Variants in KSR2 observed in about 807,000 individuals in gnomAD.
The protein encoded by KSR2 is kinase suppressor of ras 2.
KSR2 carries 25 observed loss-of-function variants against 107.8 expected under a neutral mutation model. The ratio of observed to expected loss-of-function variants is 0.23; its 90% CI spans 0.17 to 0.32. The LOEUF (loss-of-function observed/expected upper bound fraction) is 0.32, where lower values mean the gene tolerates loss of function less well. Ranked by LOEUF, KSR2 falls within the 10% of genes least tolerant of loss-of-function variation. The pLI is 1.00. For missense variants in KSR2, 887 were observed against 1,268.9 expected (o/e 0.70, Z 4.57); for synonymous variants, 480 against 507.0 (o/e 0.95, Z 0.71).
At chr12:117,567,875 G>T (rs1223692442) in intron 7 of KSR2, among the ~76,000 whole-genome samples, 10 of 151,052 alleles carry the variant, frequency 6.6e-5, no homozygotes, top group Non-Finnish European at 1.5e-4. Flanking sequence ...GAGCATTCTG[G>T]TCTCATGTGA....
intron 3 of KSR2, among the ~76,000 whole-genome samples, chr12:117,775,035 AT>A (rs977772393): frequency 1.3e-5 from 2 of 152,146 alleles, no homozygotes; most frequent in African/African-American, 4.8e-5. Flanking sequence ...TATACACCAC[AT>A]TTTGTTTAAG....
At chr12:117,789,880 G>A (rs563546786) in intron 3 of KSR2, among the ~76,000 whole-genome samples, 2 of 152,208 alleles carry the variant, frequency 1.3e-5, no homozygotes, top group Non-Finnish European at 2.9e-5. Context: ...CATAAAGCCT[G>A]CAAAGTATTG....
At chr12:117,953,425 TAAAAAA>T (rs1896421775) in intron 1 of KSR2, among the ~76,000 whole-genome samples, 1 of 152,222 alleles carries the variant, frequency 6.6e-6, no homozygotes, top group South Asian at 2.1e-4. Flanking sequence ...GAATATAACC[TAAAAAA>T]TGTTCAACTT....
chr12:117,570,103 C>T lies in KSR2; in HGVS notation c.1325+9016G>A, dbSNP rs546000753. ...CTGCAAGCTCCGCCTCCCAGGTTCA[C>T]GCCATTCTCCTGCCTCAGCCTCCCC... On this transcript the variant is annotated intron_variant, in intron 7 of 19. Transcript: ENST00000339824. Among the ~76,000 whole-genome samples the T allele has an allele frequency of 1.8e-4, 28 of 151,930 alleles. No individual in the cohort carries two copies. In the East Asian group the frequency reaches 2.9e-3, roughly 16 times the overall value.
intron 18 of KSR2, 59 bp downstream of exon 18, chr12:117,471,132 C>T: frequency 6.3e-7 from 1 of 1,595,752 alleles, no homozygotes; most frequent in Non-Finnish European, 8.6e-7. Flanking sequence ...AAAAGAAGGC[C>T]CATGACTGTG....
chr12:117,739,558 AATG>A (rs1306705067), intron 4 of KSR2, among the ~76,000 whole-genome samples: 5 of 152,170 alleles, frequency 3.3e-5, no homozygotes, highest in African/African-American at 1.2e-4. Context: ...GGCCCTCGAT[AATG>A]ATGTTATTAA....
chr12:117,841,297 C>T (rs1168057988), intron 3 of KSR2, among the ~76,000 whole-genome samples: 2 of 152,124 alleles, frequency 1.3e-5, no homozygotes, highest in Non-Finnish European at 2.9e-5. Context: ...CTGCATGTTC[C>T]CTGCAAGTTT....
At chr12:117,478,173 A>G (rs1299520302) in intron 16 of KSR2, among the ~76,000 whole-genome samples, 1 of 152,212 alleles carries the variant, frequency 6.6e-6, no homozygotes, top group Non-Finnish European at 1.5e-5. Context: ...ACCTGGGGCT[A>G]GCTAGATTCT....
intron 4 of KSR2, among the ~76,000 whole-genome samples, chr12:117,678,020 C>T (rs12227688): frequency 0.11 from 16,900 of 151,912 alleles, 1,027 homozygotes; most frequent in East Asian, 0.26. Flanking sequence ...CTACAACCTC[C>T]GCCTCATGGG....
intron 9 of KSR2, among the ~76,000 whole-genome samples, chr12:117,549,918 A>G (rs1286083141): frequency 6.6e-6 from 1 of 152,156 alleles, no homozygotes; most frequent in African/African-American, 2.4e-5. Context: ...TACGTATGGT[A>G]CTCACTTATC....
chr12:117,761,775 TATATCATATGCACATC>T lies in KSR2; in HGVS notation c.473-267_473-252del, dbSNP rs576040353. 2.1e-3 allele frequency among the ~76,000 whole-genome samples: 313 copies of T among 152,320 alleles called. 2 individuals are homozygous for T. Among genetic ancestry groups the T allele is most frequent in the African/African-American group, 7.1e-3 (296 of 41,550 alleles). Reference sequence around the variant, plus strand: ...TATACCTGTTACATCGTATGCATGTTATATCATATGCACATCATATCATATGCATGTTACACTATAT... The same window carrying T: ...TATACCTGTTACATCGTATGCATGTTATATCATATGCATGTTACACTATAT... On this transcript the variant is annotated intron_variant, in intron 3 of 19. Coordinates refer to ENST00000339824, the MANE Select transcript of KSR2 (RefSeq NM_173598.6).
At chr12:117,607,129 G>A (rs1881319905) in intron 5 of KSR2, among the ~76,000 whole-genome samples, 1 of 152,158 alleles carries the variant, frequency 6.6e-6, no homozygotes, top group African/African-American at 2.4e-5. Flanking sequence ...CAAGGGCAAG[G>A]GACGTGTCTG....
chr12:117,955,540 C>T (rs1347490979), intron 1 of KSR2, among the ~76,000 whole-genome samples: 2 of 152,088 alleles, frequency 1.3e-5, no homozygotes, highest in African/African-American at 2.4e-5. Flanking sequence ...GAGCTCAAGC[C>T]CTCCTAACTA....
chr12:117,525,744 C>T (rs1458479634), intron 13 of KSR2, among the ~76,000 whole-genome samples: 1 of 152,218 alleles, frequency 6.6e-6, no homozygotes, highest in Non-Finnish European at 1.5e-5. Flanking sequence ...GCATGTAACA[C>T]ATGACAACTG....
intron 3 of KSR2, among the ~76,000 whole-genome samples, chr12:117,809,908 A>G (rs1891137638): frequency 6.6e-6 from 1 of 152,208 alleles, no homozygotes; most frequent in African/African-American, 2.4e-5. Context: ...ATTTGACCCC[A>G]ATTTACTTAG....
chr12:117,944,453 T>C (rs909269399), intron 1 of KSR2, among the ~76,000 whole-genome samples: 2 of 152,114 alleles, frequency 1.3e-5, no homozygotes, highest in East Asian at 3.9e-4. Flanking sequence ...CAGCCACATA[T>C]TGCATGATTT....
chr12:117,709,305 A>C (rs1236582360), intron 4 of KSR2, among the ~76,000 whole-genome samples: 1 of 152,038 alleles, frequency 6.6e-6, no homozygotes, highest in Non-Finnish European at 1.5e-5. Context: ...AGGGAACATG[A>C]CCTGCACCCA....
chr12:117,711,172 G>A lies in KSR2; in HGVS notation c.987-43514C>T, dbSNP rs117953721. 3.7e-3 allele frequency among the ~76,000 whole-genome samples: 557 copies of A among 152,286 alleles called. 3 individuals carry two copies. The highest frequency in any genetic ancestry group is 6.8e-3 in the Middle Eastern group (2 of 294). The stretch of plus-strand genomic sequence containing the variant: ...GCAGCCTCCAGACCCCAAATTTCAA[G>A]AGGGCAAAGACATGAGATAGATAAA... On this transcript the variant is annotated intron_variant, in intron 4 of 19. Transcript: ENST00000339824.
intron 1 of KSR2, among the ~76,000 whole-genome samples, chr12:117,960,797 C>CTTTT (rs57298583): frequency 1.4e-5 from 2 of 138,762 alleles, no homozygotes; most frequent in Non-Finnish European, 3.1e-5. Flanking sequence ...TTTCTTTTTC[C>CTTTT]TTTTTTTTTT....
Sources: allele counts gnomAD v4.1 joint callset (sites outside exome capture counted in the v4.1 genomes callset), GRCh38; gene constraint gnomAD v4.1.1; transcripts MANE v1.5; gene names NCBI Gene and HGNC (gene_info 2026-07-23, HGNC 2026-07-21).